The following NXN variants were observed in gnomAD, a reference collection of about 807,000 sequenced individuals.
NXN encodes nucleoredoxin 1.
Under a neutral mutation model 48.6 loss-of-function variants are expected in NXN, and 16 were observed. That is an observed-to-expected ratio of 0.33 (90% confidence interval 0.22 to 0.50). The LOEUF is 0.50. Among genes scored for constraint, NXN ranks in the 20% least tolerant of loss-of-function variants. NXN has a pLI of 0.98. For missense variants in NXN, 492 were observed against 605.5 expected (o/e 0.81, Z 1.97); for synonymous variants, 281 against 269.6 (o/e 1.04, Z -0.41).
chr17:833,321 C>G (rs1407122131), intron 1 of NXN, among the ~76,000 whole-genome samples: 1 of 152,162 alleles, frequency 6.6e-6, no homozygotes, highest in East Asian at 1.9e-4. Flanking sequence ...GGCTCTGAAA[C>G]AATGTGGTCT....
intron 1 of NXN, among the ~76,000 whole-genome samples, chr17:926,822 G>A (rs528986223): frequency 2.0e-5 from 3 of 152,162 alleles, no homozygotes; most frequent in Admixed American, 6.5e-5. Context: ...GATTCCAGGC[G>A]TGAGCCAACG....
chr17:803,322 G>A (rs539577409), intron 7 of NXN, among the ~76,000 whole-genome samples: 30 of 152,286 alleles, frequency 2.0e-4, no homozygotes, highest in Admixed American at 5.9e-4. Flanking sequence ...CAGCCAGCGC[G>A]GAGGCACGAA....
chr17:812,531 C>CCA (rs1225936520), intron 5 of NXN, among the ~76,000 whole-genome samples: 4 of 152,162 alleles, frequency 2.6e-5, no homozygotes, highest in Admixed American at 2.6e-4. Context: ...ACCAGACACT[C>CCA]CAACAGCCAG....
At position 874,455 on chromosome 17, in the gene NXN, G is replaced by A. The variant is rs969988378; in HGVS notation, c.361-48377C>T. Among the ~76,000 whole-genome samples, 8 of 152,166 alleles carry A rather than the reference G, an allele frequency of 5.3e-5. 1 individual carries two copies. Among genetic ancestry groups the A allele is most frequent in the African/African-American group, 1.7e-4 (7 of 41,436 alleles). On this transcript the variant is annotated intron_variant, in intron 1 of 7. Coordinates refer to ENST00000336868, the MANE Select transcript of NXN (RefSeq NM_022463.5). ...AAAAATTAGCCGGGCGTGGTGGCAG[G>A]CACCTGTCATCCCAGCTACTCGGGA...
At chr17:951,761 G>A (rs1174103363) in intron 1 of NXN, among the ~76,000 whole-genome samples, 3 of 152,202 alleles carry the variant, frequency 2.0e-5, no homozygotes, top group Non-Finnish European at 2.9e-5. Context: ...AGCCCCAGAG[G>A]GGCGGGCAGC....
At chr17:891,856 C>A (rs1410961077) in intron 1 of NXN, among the ~76,000 whole-genome samples, 3 of 130,606 alleles carry the variant, frequency 2.3e-5, no homozygotes, top group South Asian at 2.9e-4. Flanking sequence ...CATGTACAGC[C>A]CAACAGGGAA....
Position 920,299 on chromosome 17 carries a change from C to T in NXN, c.360+59020G>A, listed in dbSNP as rs1597243021. On this transcript the variant is annotated intron_variant, in intron 1 of 7. Coordinates refer to ENST00000336868, the MANE Select transcript of NXN (RefSeq NM_022463.5). This position sits in a 1 kb window ranked among gnomAD's most constrained non-coding sequence, Gnocchi z 4.6. The stretch of plus-strand genomic sequence containing the variant: ...TTGACCTGGAGGAATCTGGCAACGT[C>T]AACATCAAGTGATTGTTCAAATTCA... 5.3e-5 allele frequency among the ~76,000 whole-genome samples: 8 copies of T among 152,286 alleles called. 2 individuals are homozygous for T. Among genetic ancestry groups the T allele is most frequent in the Admixed American group, 5.2e-4 (8 of 15,290 alleles).
intron 1 of NXN, among the ~76,000 whole-genome samples, chr17:900,091 C>A (rs1217712927): frequency 1.3e-5 from 2 of 152,014 alleles, no homozygotes; most frequent in East Asian, 1.9e-4. Context: ...CATGGAGAAA[C>A]CCTGTCTCTA....
Position 800,960 on chromosome 17 carries a change from C to T in NXN, c.1297G>A (p.Glu433Lys). The T allele has an allele frequency of 6.8e-7, 1 of 1,481,370 alleles. No individual in the cohort carries two copies. The highest frequency in any genetic ancestry group is 9.0e-7 in the Non-Finnish European group (1 of 1,108,058). The allele number at this position is 1,481,370 out of a possible 1,614,324, so 91.8% of individuals were successfully genotyped here. Residue 433 changes from glutamate (E) to lysine (K), a missense_variant, in exon 8 of 8, where the codon GAG becomes AAG. Glu to Lys is a moderately conservative substitution (Grantham distance 56). Coordinates refer to ENST00000336868, the MANE Select transcript of NXN (RefSeq NM_022463.5). ...NDFLAEKLKP[E>K]PI ...AGGCCGGAGCCACGCTAGATGGGCT[C>T]CGGTTTGAGCTTCTCTGCTAGGAAG...
At chr17:896,340 C>CAA (rs34491878) in intron 1 of NXN, among the ~76,000 whole-genome samples, 383 of 134,880 alleles carry the variant, frequency 2.8e-3, no homozygotes, top group Middle Eastern at 0.012. Flanking sequence ...AACTCCATCT[C>CAA]AAAAAAAAAA....
intron 1 of NXN, among the ~76,000 whole-genome samples, chr17:906,331 T>TAATA (rs36020957): frequency 0.13 from 19,127 of 151,946 alleles, 1,459 homozygotes; most frequent in East Asian, 0.27. Flanking sequence ...GGCCTGGAAT[T>TAATA]AATAAATAAA....
chr17:818,561 G>A (rs1029630808), intron 5 of NXN, among the ~76,000 whole-genome samples: 2 of 152,074 alleles, frequency 1.3e-5, no homozygotes, highest in Non-Finnish European at 2.9e-5. Flanking sequence ...AAGTCATTTG[G>A]GAGGCTGTGC....
chr17:896,138 G>A (rs1196754863), intron 1 of NXN, among the ~76,000 whole-genome samples: 1 of 151,906 alleles, frequency 6.6e-6, no homozygotes. Flanking sequence ...TCGGGAGTTC[G>A]AGACCAGCCT....
intron 1 of NXN, among the ~76,000 whole-genome samples, chr17:837,639 T>A (rs1244157373): frequency 6.6e-6 from 1 of 152,112 alleles, no homozygotes; most frequent in Non-Finnish European, 1.5e-5. Context: ...GCAGAAGAAA[T>A]GATTCGAATC....
chr17:836,941 G>A (rs1248942306), intron 1 of NXN, among the ~76,000 whole-genome samples: 3 of 148,392 alleles, frequency 2.0e-5, no homozygotes, highest in Admixed American at 1.3e-4. Context: ...ACAAGCGTGA[G>A]CCACCACACC....
At chr17:865,709 C>T (rs534475158) in intron 1 of NXN, among the ~76,000 whole-genome samples, 33 of 151,872 alleles carry the variant, frequency 2.2e-4, no homozygotes, top group Admixed American at 1.7e-3. Context: ...TGTTGCTGGG[C>T]GCAGTGGCTC....
intron 1 of NXN, among the ~76,000 whole-genome samples, chr17:973,800 C>T (rs2069421178): frequency 6.6e-6 from 1 of 151,968 alleles, no homozygotes. Flanking sequence ...CTGCCTCAGC[C>T]TCCCGAGTAG....
At chr17:865,957 T>C (rs1029930404) in intron 1 of NXN, among the ~76,000 whole-genome samples, 13 of 151,798 alleles carry the variant, frequency 8.6e-5, no homozygotes, top group Admixed American at 6.6e-4. Context: ...CACTCCAGCC[T>C]GGGCGACAGA....
At chr17:827,966 A>C (rs966460254) in intron 1 of NXN, among the ~76,000 whole-genome samples, 4 of 152,164 alleles carry the variant, frequency 2.6e-5, no homozygotes, top group African/African-American at 9.6e-5. Flanking sequence ...CTTGGCAGGA[A>C]GGGCTGTGGG....
Sources: gnomAD v4.1 joint callset for allele counts (sites outside exome capture counted in the v4.1 genomes callset) on GRCh38, gnomAD v4.1.1 for gene constraint, Gnocchi (gnomAD v3.1) non-coding constraint, MANE v1.5 for transcripts, NCBI Gene and HGNC (gene_info 2026-07-23, HGNC 2026-07-21) for gene names.